CNTNAP5: variants seen among roughly 807,000 people sequenced by gnomAD.
CNTNAP5 encodes contactin-associated protein-like 5.
A neutral mutation model predicts 150.2 loss-of-function variants in CNTNAP5; 72 were observed. The observed-to-expected ratio is 0.48, with a 90% CI of 0.40 to 0.58. The LOEUF is 0.58. Ranked by LOEUF, CNTNAP5 falls within the 20% of genes least tolerant of loss-of-function variation. The pLI, the probability that CNTNAP5 is intolerant of heterozygous loss-of-function variation, is 0.00. For synonymous variants in CNTNAP5, 672 were observed against 619.8 expected (o/e 1.08, Z -1.25); for missense variants, 1,636 against 1,626.2 (o/e 1.01, Z -0.10).
chr2:124,265,516 C>G (rs1198667209), intron 3 of CNTNAP5, among the ~76,000 whole-genome samples: 3 of 152,116 alleles, frequency 2.0e-5, no homozygotes, highest in African/African-American at 7.2e-5. Flanking sequence ...AAAAAACTCT[C>G]CCTAAAAAGG....
At chr2:124,744,560 C>A (rs1262614301) in intron 13 of CNTNAP5, among the ~76,000 whole-genome samples, 1 of 152,062 alleles carries the variant, frequency 6.6e-6, no homozygotes, top group Non-Finnish European at 1.5e-5. Context: ...GGTATGTTTT[C>A]TTACGTGATT....
chr2:124,333,005 G>C (rs1385843757), intron 3 of CNTNAP5, among the ~76,000 whole-genome samples: 1 of 152,008 alleles, frequency 6.6e-6, no homozygotes, highest in Non-Finnish European at 1.5e-5. Flanking sequence ...CAAACCCAAA[G>C]ATATACACAC....
intron 11 of CNTNAP5, among the ~76,000 whole-genome samples, chr2:124,584,478 CT>C (rs1329146730): frequency 1.3e-5 from 2 of 152,140 alleles, no homozygotes; most frequent in Non-Finnish European, 2.9e-5. Context: ...AGTAAATATC[CT>C]CTAAGTGTAG....
intron 8 of CNTNAP5, among the ~76,000 whole-genome samples, chr2:124,509,156 C>T (rs973489315): frequency 6.6e-6 from 1 of 152,176 alleles, no homozygotes; most frequent in African/African-American, 2.4e-5. Flanking sequence ...CAACCCTGTT[C>T]CCCGAGCTTT....
chr2:124,455,890 A>G (rs1173581547), intron 6 of CNTNAP5, among the ~76,000 whole-genome samples: 1 of 152,202 alleles, frequency 6.6e-6, no homozygotes, highest in South Asian at 2.1e-4. Context: ...ACTCTCGGCA[A>G]CATTGGCATG....
At chr2:124,093,786 A>T (rs1366230337) in intron 1 of CNTNAP5, among the ~76,000 whole-genome samples, 1 of 152,248 alleles carries the variant, frequency 6.6e-6, no homozygotes, top group African/African-American at 2.4e-5. Context: ...TTGCATTTGC[A>T]TGTCAGCTTG....
rs1323377909 is a variant in CNTNAP5, at chr2:124,899,819, C to G, written c.3437-3063C>G. Among the ~76,000 whole-genome samples the G allele has an allele frequency of 3.3e-5, 5 of 151,330 alleles. 1 individual carries two copies. The highest frequency in any genetic ancestry group is 1.2e-4 in the African/African-American group (5 of 40,774). ...ATCTAATGTAATTTTAACCTAAAAA[C>G]AGAAAAATGAATTAGGAAATACATT... is the stretch of plus-strand genomic sequence containing the variant. On this transcript the variant is annotated intron_variant, in intron 21 of 23. Transcript: ENST00000682447.
chr2:124,661,684 A>T (rs1678594772), intron 13 of CNTNAP5, among the ~76,000 whole-genome samples: 1 of 152,150 alleles, frequency 6.6e-6, no homozygotes, highest in African/African-American at 2.4e-5. Context: ...TGTACTGTAC[A>T]TAATTAAATG....
At position 124,766,194 on chromosome 2, in the gene CNTNAP5, C is replaced by G. The variant is rs557719619; in HGVS notation, c.2533+2047C>G. Among the ~76,000 whole-genome samples the G allele has an allele frequency of 5.9e-5, 9 of 152,126 alleles. No homozygotes were observed. In the South Asian group the frequency reaches 1.2e-3, roughly 21 times the overall value. The stretch of plus-strand genomic sequence containing the variant: ...TATAGATGGGGTAGGCTGTACCCAC[C>G]ACCTTGCCCTTGTTATTACCATGAC... On this transcript the variant is annotated intron_variant, in intron 16 of 23. Transcript: ENST00000682447.
intron 13 of CNTNAP5, among the ~76,000 whole-genome samples, chr2:124,707,058 AG>A (rs1679683529): frequency 7.2e-6 from 1 of 138,556 alleles, no homozygotes; most frequent in Admixed American, 7.1e-5. Flanking sequence ...GAGGAGGAGG[AG>A]GAGAGGAAGA....
intron 14 of CNTNAP5, 28 bp from the exon 15 acceptor site, chr2:124,763,644 C>G: frequency 6.2e-7 from 1 of 1,600,080 alleles, no homozygotes; most frequent in Non-Finnish European, 8.5e-7. Context: ...ATTTTGTCCT[C>G]TTTTTTTCTT....
intron 13 of CNTNAP5, among the ~76,000 whole-genome samples, chr2:124,675,859 G>A (rs1001056770): frequency 6.6e-6 from 1 of 151,694 alleles, no homozygotes; most frequent in Non-Finnish European, 1.5e-5. Context: ...TCAACATTTG[G>A]TCTTCTTTAG....
At chr2:124,851,312 T>C (rs1420436893) in intron 19 of CNTNAP5, among the ~76,000 whole-genome samples, 1 of 152,070 alleles carries the variant, frequency 6.6e-6, no homozygotes, top group East Asian at 1.9e-4. Context: ...GCCAAGACCT[T>C]GCCACTGCAC....
rs1190385548 is a variant in CNTNAP5, at chr2:124,790,128, CT to C, written c.2983del (p.Cys995AlafsTer25). 1 of 1,609,544 alleles carries C rather than the reference CT, an allele frequency of 6.2e-7. No homozygotes were observed. Among genetic ancestry groups the C allele is most frequent in the East Asian group, 2.2e-5 (1 of 44,786 alleles). ...DCTNSPYEGPFCKKEVSAVFE... is the reference protein window; with the variant it reads ...DCTNSPYEGPXCKKEVSAVFE... ...GCACCAATTCACCTTATGAAGGGCC[CT>C]TTTGCAAAAAAGGTACCTTAGGCGC... On this transcript the variant is annotated frameshift_variant, in exon 18 of 24. Coordinates refer to ENST00000682447, the MANE Select transcript of CNTNAP5 (RefSeq NM_001367498.1). LOFTEE classifies it high-confidence loss of function.
At chr2:124,108,910 C>T (rs1683229632) in intron 1 of CNTNAP5, among the ~76,000 whole-genome samples, 2 of 152,204 alleles carry the variant, frequency 1.3e-5, no homozygotes, top group African/African-American at 4.8e-5. Context: ...ATTCATGCCC[C>T]TATCCTCATC....
intron 1 of CNTNAP5, among the ~76,000 whole-genome samples, chr2:124,182,357 C>G (rs975654332): frequency 6.6e-6 from 1 of 152,094 alleles, no homozygotes; most frequent in African/African-American, 2.4e-5. Flanking sequence ...AATTTACAAA[C>G]AGTTATCTCA....
intron 13 of CNTNAP5, among the ~76,000 whole-genome samples, chr2:124,711,596 A>G (rs35616755): frequency 0.16 from 24,667 of 152,016 alleles, 2,251 homozygotes; most frequent in East Asian, 0.24. Flanking sequence ...TTGAGGCTGA[A>G]GCAGGTGGAT....
intron 10 of CNTNAP5, among the ~76,000 whole-genome samples, chr2:124,540,109 C>G (rs541029797): frequency 6.6e-6 from 1 of 152,294 alleles, no homozygotes; most frequent in East Asian, 1.9e-4. Flanking sequence ...TCTCTAAACT[C>G]GTGTGAGGTC....
chr2:124,052,891 A>G (rs979484725), intron 1 of CNTNAP5, among the ~76,000 whole-genome samples: 32 of 151,994 alleles, frequency 2.1e-4, no homozygotes, highest in African/African-American at 7.3e-4. Flanking sequence ...CTCCTTTGCT[A>G]ATGCCATTTT....
Sources: gnomAD v4.1 joint callset for allele counts (sites outside exome capture counted in the v4.1 genomes callset) on GRCh38, gnomAD v4.1.1 for gene constraint, MANE v1.5 for transcripts, NCBI Gene and HGNC (gene_info 2026-07-23, HGNC 2026-07-21) for gene names.